Variants in PCLO observed in about 807,000 individuals in gnomAD.
PCLO encodes piccolo presynaptic cytomatrix protein, also known as protein piccolo.
PCLO carries 82 observed loss-of-function variants against 427.5 expected under a neutral mutation model. The ratio of observed to expected loss-of-function variants is 0.19; its 90% CI spans 0.16 to 0.23. PCLO has a LOEUF of 0.23. PCLO is among the 10% of genes least tolerant of loss of function. PCLO has a pLI of 1.00. For synonymous variants in PCLO, 2,357 were observed against 2,155.4 expected, an observed-to-expected ratio of 1.09 and a Z score of -2.59; for missense variants, 6,239 against 6,115.9, an observed-to-expected ratio of 1.02 and a Z score of -0.67.
chr7:83,105,482 T>C (rs943701363), intron 3 of PCLO, among the ~76,000 whole-genome samples: 2 of 150,176 alleles, frequency 1.3e-5, no homozygotes, highest in African/African-American at 4.9e-5. Context: ...ATTATAAGTG[T>C]GTAATGAGAA....
Position 82,952,097 on chromosome 7 carries a change from G to C in PCLO, c.8856C>G (p.Ser2952Arg), listed in dbSNP as rs545398409. Residue 2952 changes from serine (S) to arginine (R), a missense_variant, in exon 5 of 25, where the codon AGC (serine) becomes AGG (arginine). Ser to Arg is a moderately radical substitution (Grantham distance 110). Coordinates refer to ENST00000333891, the MANE Select transcript of PCLO (RefSeq NM_033026.6). Reference sequence around the variant, plus strand: ...TAGTTGCAGGCTGCTGTGCTGTGCAGCTCCTTCCAAATGGTAATTTATAAA... The same window carrying C: ...TAGTTGCAGGCTGCTGTGCTGTGCACCTCCTTCCAAATGGTAATTTATAAA... ...DVVYKLPFGRSCTAQQPATTL... is the reference protein window; with the variant it reads ...DVVYKLPFGRRCTAQQPATTL... 1 of 1,613,946 alleles carries C rather than the reference G, an allele frequency of 6.2e-7. No homozygotes were observed. Among genetic ancestry groups the C allele is most frequent in the East Asian group, 2.2e-5 (1 of 44,876 alleles).
At chr7:83,107,714 T>TAAAAAGAAAGAACTGGCC (rs1554398479) in intron 3 of PCLO, among the ~76,000 whole-genome samples, 4 of 38,026 alleles carry the variant, frequency 1.1e-4, no homozygotes, top group African/African-American at 6.2e-4. Flanking sequence ...GAAGAGAATA[T>TAAAAAGAAAGAACTGGCC]GTGCGGTGGC....
chr7:82,869,469 T>G (rs181886080), intron 10 of PCLO, among the ~76,000 whole-genome samples: 16 of 152,176 alleles, frequency 1.1e-4, no homozygotes, highest in African/African-American at 3.8e-4. Flanking sequence ...GAGATTGTCA[T>G]GAAAATTGAA....
chr7:82,853,866 T>G (rs1299946040), intron 10 of PCLO, among the ~76,000 whole-genome samples: 1 of 152,146 alleles, frequency 6.6e-6, no homozygotes, highest in Non-Finnish European at 1.5e-5. Context: ...CTAGTTTTAT[T>G]TCCATCCTAT....
chr7:82,812,933 A>G (rs1447031661), intron 20 of PCLO, among the ~76,000 whole-genome samples: 1 of 151,560 alleles, frequency 6.6e-6, no homozygotes, highest in Non-Finnish European at 1.5e-5. Flanking sequence ...CTCAAGCAGG[A>G]ATAAAGACTA....
At chr7:83,099,711 A>C (rs1221768308) in intron 3 of PCLO, among the ~76,000 whole-genome samples, 1 of 152,134 alleles carries the variant, frequency 6.6e-6, no homozygotes, top group African/African-American at 2.4e-5. Context: ...AGATTTTTTA[A>C]AGTATCTTTC....
rs761490216 is a variant in PCLO at position 82,950,427 on chromosome 7, T to C, written c.10161A>G (p.Pro3387=). Residue 3387 remains proline, a synonymous_variant, in exon 6 of 25, where the codon CCA becomes CCG. Coordinates refer to ENST00000333891, the MANE Select transcript of PCLO (RefSeq NM_033026.6). ...CTGAAACAGTGCTCAGGATACCAGG[T>C]GGGGCAATGTACTGAGTAACACCAT... ...QSDGVTQYIA[P]PGILSTVSEI... is the part of the protein sequence containing the mutation. 1.9e-6 allele frequency: 3 copies of C among 1,613,808 alleles called. No individual in the cohort carries two copies. The highest frequency in any genetic ancestry group is 1.7e-5 in the Admixed American group (1 of 60,002).
chr7:82,907,859 A>T (rs1794227640), intron 8 of PCLO, among the ~76,000 whole-genome samples: 1 of 152,044 alleles, frequency 6.6e-6, no homozygotes, highest in African/African-American at 2.4e-5. Context: ...GCTTAGAAAT[A>T]AATCAAATCT....
chr7:82,800,472 A>G (rs1363958548), intron 22 of PCLO, among the ~76,000 whole-genome samples: 1 of 152,172 alleles, frequency 6.6e-6, no homozygotes, highest in South Asian at 2.1e-4. Flanking sequence ...TAGTTACCTC[A>G]TAGGTAATTG....
chr7:82,953,812 G>A lies in PCLO; in HGVS notation c.7141C>T (p.Pro2381Ser). The A allele has an allele frequency of 6.2e-7, 1 of 1,607,742 alleles. No individual in the cohort carries two copies. Among genetic ancestry groups the A allele is most frequent in the Non-Finnish European group, 8.5e-7 (1 of 1,176,498 alleles). Residue 2381 changes from proline (P) to serine (S), a missense_variant, in exon 5 of 25, where the codon CCT becomes TCT. Physicochemically the swap from Pro to Ser is moderately conservative, Grantham distance 74. Transcript: ENST00000333891. ...KPASQLPSGS[P>S]SVSSLPAKPR... ...TTAGCTGGAAGAGAGGAAACAGAAG[G>A]ACTGCCAGATGGTAACTGAGATGCA...
Position 82,902,726 on chromosome 7 carries a change from C to A in PCLO, c.13453G>T (p.Gly4485Trp), listed in dbSNP as rs779928348. 1.3e-6 allele frequency: 2 copies of A among 1,586,422 alleles called. No individual in the cohort carries two copies. The highest frequency in any genetic ancestry group is 2.7e-5 in the African/African-American group (2 of 74,228). The change falls in exon 9 of 25, where the codon GGG becomes TGG. Residue 4485 changes from glycine to tryptophan, a missense_variant. Physicochemically the swap from Gly to Trp is radical, Grantham distance 184 (BLOSUM62 -2). Coordinates refer to ENST00000333891, the MANE Select transcript of PCLO (RefSeq NM_033026.6). ...GGAAAGATGTAGTGCATAGTTTTCC[C>A]GTTCATCTGTATAATCTAAGACATA... ...QHQEQIIQMN[G>W]KTMHYIFPHA... is the part of the protein sequence containing the mutation.
chr7:83,078,417 T>A (rs900878101), intron 3 of PCLO, among the ~76,000 whole-genome samples: 1 of 152,122 alleles, frequency 6.6e-6, no homozygotes, highest in South Asian at 2.1e-4. Context: ...TAAAAAGAAC[T>A]ATATTTTATG....
chr7:83,112,821 G>T (rs1791039170), intron 3 of PCLO, among the ~76,000 whole-genome samples: 1 of 152,158 alleles, frequency 6.6e-6, no homozygotes, highest in Non-Finnish European at 1.5e-5. Flanking sequence ...ACACAGCAAT[G>T]CATGTGTTTT....
intron 20 of PCLO, among the ~76,000 whole-genome samples, chr7:82,808,271 A>G (rs1285776740): frequency 6.6e-6 from 1 of 151,896 alleles, no homozygotes; most frequent in Non-Finnish European, 1.5e-5. Context: ...TATTTATTAA[A>G]TTAAAATAAT....
chr7:83,136,641 G>A (rs1791737278), intron 2 of PCLO, among the ~76,000 whole-genome samples: 2 of 152,082 alleles, frequency 1.3e-5, no homozygotes, highest in Non-Finnish European at 2.9e-5. Flanking sequence ...CAAATAGCAT[G>A]ATTTAACAGG....
intron 3 of PCLO, among the ~76,000 whole-genome samples, chr7:83,101,149 T>C (rs1790727682): frequency 6.6e-6 from 1 of 151,826 alleles, no homozygotes; most frequent in African/African-American, 2.4e-5. Context: ...TATTTCATAG[T>C]TAAATATAAG....
chr7:83,050,225 A>AC (rs1344420627), intron 3 of PCLO, among the ~76,000 whole-genome samples: 30 of 123,802 alleles, frequency 2.4e-4, no homozygotes, highest in African/African-American at 6.7e-4. Flanking sequence ...AAAAAAAAAA[A>AC]AAAAAAAAAA....
intron 22 of PCLO, among the ~76,000 whole-genome samples, chr7:82,781,072 A>G (rs1820175926): frequency 6.6e-6 from 1 of 152,058 alleles, no homozygotes. Flanking sequence ...ATAAATATTC[A>G]ACAAATAAGA....
At chr7:82,923,951 T>C (rs559992271) in intron 6 of PCLO, among the ~76,000 whole-genome samples, 24 of 152,132 alleles carry the variant, frequency 1.6e-4, no homozygotes, top group African/African-American at 4.3e-4. Flanking sequence ...CAGTATACCA[T>C]GTCAATCAAA....
Sources: gnomAD v4.1 joint callset for allele counts (sites outside exome capture counted in the v4.1 genomes callset) on GRCh38, gnomAD v4.1.1 for gene constraint, MANE v1.5 for transcripts, NCBI Gene and HGNC (gene_info 2026-07-23, HGNC 2026-07-21) for gene names.